CTNND2: variants seen among roughly 807,000 people sequenced by gnomAD.
The protein encoded by CTNND2 is catenin delta 2.
In CTNND2, 22 loss-of-function variants were observed where a neutral mutation model predicts 144.4. The observed-to-expected ratio is 0.15, with a 90% confidence interval of 0.11 to 0.22. The LOEUF is 0.22. Ranked by LOEUF, CTNND2 falls within the 10% of genes least tolerant of loss-of-function variation. The pLI, the probability that CTNND2 is intolerant of heterozygous loss-of-function variation, is 1.00. For missense variants in CTNND2, 1,353 were observed against 1,618.8 expected (o/e 0.84, Z 2.82); for synonymous variants, 751 against 695.6 (o/e 1.08, Z -1.25).
intron 3 of CTNND2, among the ~76,000 whole-genome samples, chr5:11,450,616 C>T (rs1269919671): frequency 6.6e-6 from 1 of 152,080 alleles, no homozygotes; most frequent in Non-Finnish European, 1.5e-5. Context: ...AAATGCGTCC[C>T]AGGCTGGGCG....
chr5:11,486,002 A>G (rs974766611), intron 3 of CTNND2, among the ~76,000 whole-genome samples: 2 of 152,178 alleles, frequency 1.3e-5, no homozygotes, highest in Admixed American at 6.6e-5. Flanking sequence ...AGTTGATAAA[A>G]CATGGTATAA....
At chr5:11,666,280 C>T (rs966154578) in intron 2 of CTNND2, among the ~76,000 whole-genome samples, 2 of 152,186 alleles carry the variant, frequency 1.3e-5, no homozygotes, top group Admixed American at 6.6e-5. Context: ...TGGTCTAAGG[C>T]TGTGTCTTCC....
intron 15 of CTNND2, among the ~76,000 whole-genome samples, chr5:11,097,502 C>A (rs954650758): frequency 6.6e-6 from 1 of 152,102 alleles, no homozygotes; most frequent in African/African-American, 2.4e-5. Flanking sequence ...ATTGTCAGGG[C>A]CTGGCACCCA....
At chr5:11,201,815 G>C (rs1462769797) in intron 10 of CTNND2, among the ~76,000 whole-genome samples, 1 of 152,054 alleles carries the variant, frequency 6.6e-6, no homozygotes, top group Admixed American at 6.6e-5. Context: ...AAAGAAGTGG[G>C]AAACAACTTT....
intron 14 of CTNND2, among the ~76,000 whole-genome samples, chr5:11,103,022 C>A (rs1752066720): frequency 7.6e-6 from 1 of 131,226 alleles, no homozygotes; most frequent in Non-Finnish European, 1.6e-5. Flanking sequence ...CACTCTGTCA[C>A]CCAGGCTGGA....
At chr5:11,344,347 G>A (rs977789985) in intron 9 of CTNND2, among the ~76,000 whole-genome samples, 5 of 151,430 alleles carry the variant, frequency 3.3e-5, no homozygotes, top group African/African-American at 1.2e-4. Flanking sequence ...AGCGGAGATC[G>A]CGCCACAGCA....
chr5:11,363,413 T>C (rs936663935), intron 8 of CTNND2, among the ~76,000 whole-genome samples: 3 of 152,176 alleles, frequency 2.0e-5, no homozygotes, highest in African/African-American at 7.2e-5. Context: ...TTTTATAAGA[T>C]GTGCATAAAA....
chr5:11,646,157 T>A (rs903528912), intron 2 of CTNND2, among the ~76,000 whole-genome samples: 4 of 152,134 alleles, frequency 2.6e-5, no homozygotes, highest in Non-Finnish European at 5.9e-5. Context: ...GGGCCCTCCC[T>A]CTAGCCTTGT....
At chr5:11,842,356 T>C (rs1284525781) in intron 1 of CTNND2, among the ~76,000 whole-genome samples, 6 of 151,994 alleles carry the variant, frequency 3.9e-5, no homozygotes, top group African/African-American at 9.7e-5. Flanking sequence ...TATACTATGG[T>C]TTAGAAAACC....
At chr5:11,035,395 C>T (rs1743958770) in intron 16 of CTNND2, among the ~76,000 whole-genome samples, 1 of 152,172 alleles carries the variant, frequency 6.6e-6, no homozygotes, top group Admixed American at 6.5e-5. Context: ...AACAATGGGC[C>T]TTTCTTGTGT....
intron 2 of CTNND2, among the ~76,000 whole-genome samples, chr5:11,609,963 A>G (rs1216641318): frequency 2.6e-5 from 4 of 152,216 alleles, no homozygotes; most frequent in Non-Finnish European, 5.9e-5. Flanking sequence ...CCTCCTTTAA[A>G]CATGAGGAGA....
intron 1 of CTNND2, among the ~76,000 whole-genome samples, chr5:11,889,304 GTCTC>G (rs1331387249): frequency 1.3e-5 from 2 of 152,144 alleles, no homozygotes; most frequent in African/African-American, 2.4e-5. Flanking sequence ...ACCTTCAAAT[GTCTC>G]TCTAAGACTA....
At chr5:11,612,527 A>G (rs558208429) in intron 2 of CTNND2, among the ~76,000 whole-genome samples, 4 of 152,314 alleles carry the variant, frequency 2.6e-5, no homozygotes, top group South Asian at 4.1e-4. Context: ...AGTGAAAACT[A>G]TTCACTGAAA....
chr5:11,673,383 C>T (rs1784008799), intron 2 of CTNND2, among the ~76,000 whole-genome samples: 1 of 151,972 alleles, frequency 6.6e-6, no homozygotes, highest in Non-Finnish European at 1.5e-5. Context: ...GATTTAAATC[C>T]CAATATGTTA....
intron 16 of CTNND2, among the ~76,000 whole-genome samples, chr5:11,070,129 T>C (rs1748094136): frequency 6.6e-6 from 1 of 152,150 alleles, no homozygotes; most frequent in Non-Finnish European, 1.5e-5. Flanking sequence ...AATAAAGTTA[T>C]CATAGGCAAA....
intron 2 of CTNND2, among the ~76,000 whole-genome samples, chr5:11,695,211 A>G (rs893077203): frequency 1.3e-5 from 2 of 152,218 alleles, no homozygotes; most frequent in African/African-American, 4.8e-5. Flanking sequence ...ACTGGTTTGT[A>G]TAGTATGTTA....
intron 16 of CTNND2, among the ~76,000 whole-genome samples, chr5:11,076,158 GA>G (rs1748926620): frequency 6.6e-6 from 1 of 152,164 alleles, no homozygotes. Flanking sequence ...TTACACAATG[GA>G]AATCTAAAAC....
intron 1 of CTNND2, among the ~76,000 whole-genome samples, chr5:11,842,122 TA>T (rs75742721): frequency 0.17 from 25,607 of 149,564 alleles, 2,421 homozygotes; most frequent in Non-Finnish European, 0.22. Context: ...CTCACAACCT[TA>T]AAAAAAAAAT....
rs980644845 is a variant in CTNND2 at position 11,016,390 on chromosome 5, G to A, written c.3084+1584C>T. The stretch of plus-strand genomic sequence containing the variant: ...AAGGGAAGTTAGAAAGGCCTTGGGG[G>A]AAATCTAGAAATAGACTCTAACTTA... On this transcript the variant is annotated intron_variant, in intron 18 of 21. Coordinates refer to ENST00000304623, the MANE Select transcript of CTNND2 (RefSeq NM_001332.4). Among the ~76,000 whole-genome samples the A allele has an allele frequency of 5.9e-5, 9 of 152,322 alleles. No individual in the cohort carries two copies. In the East Asian group the frequency reaches 1.2e-3, roughly 20 times the overall value.
Sources: gnomAD v4.1 joint callset for allele counts (sites outside exome capture counted in the v4.1 genomes callset) on GRCh38, gnomAD v4.1.1 for gene constraint, MANE v1.5 for transcripts, NCBI Gene and HGNC (gene_info 2026-07-23, HGNC 2026-07-21) for gene names.